RBFOX1: variants seen among roughly 807,000 people sequenced by gnomAD.
RBFOX1 encodes RNA binding fox-1 homolog 1.
Under a neutral mutation model 57.7 loss-of-function variants are expected in RBFOX1, and 8 were observed. The observed-to-expected ratio is 0.14, with a 90% confidence interval of 0.08 to 0.25. The LOEUF (loss-of-function observed/expected upper bound fraction) is 0.25, where lower values mean the gene tolerates loss of function less well. RBFOX1 is among the 10% of genes least tolerant of loss of function. RBFOX1 has a pLI of 1.00. For synonymous variants in RBFOX1, 326 were observed against 222.4 expected, an observed-to-expected ratio of 1.47 and a Z score of -4.15; for missense variants, 611 against 548.5, an observed-to-expected ratio of 1.11 and a Z score of -1.14.
chr16:5,822,374 C>A (rs184296523), intron 3 of RBFOX1, among the ~76,000 whole-genome samples: 1 of 152,100 alleles, frequency 6.6e-6, no homozygotes, highest in Non-Finnish European at 1.5e-5. Context: ...TCACAAATCT[C>A]CACTAAATAA....
intron 2 of RBFOX1, among the ~76,000 whole-genome samples, chr16:6,585,200 C>G (rs530802769): frequency 4.6e-5 from 7 of 152,284 alleles, no homozygotes; most frequent in African/African-American, 1.4e-4. Context: ...TGGTATTTTT[C>G]CAAAACAATT....
intron 4 of RBFOX1, among the ~76,000 whole-genome samples, chr16:7,350,279 A>G (rs900101812): frequency 6.6e-6 from 1 of 152,164 alleles, no homozygotes; most frequent in African/African-American, 2.4e-5. Context: ...TATGGGAAAG[A>G]GGTCTAAGGG....
At chr16:6,161,444 TC>T (rs371427613) in intron 1 of RBFOX1, among the ~76,000 whole-genome samples, 85 of 151,254 alleles carry the variant, frequency 5.6e-4, no homozygotes, top group African/African-American at 2.0e-3. Context: ...TTACTCTCTC[TC>T]CATCCCATTG....
intron 4 of RBFOX1, among the ~76,000 whole-genome samples, chr16:7,123,456 C>T (rs1478318282): frequency 3.3e-5 from 5 of 152,122 alleles, no homozygotes; most frequent in African/African-American, 4.8e-5. Context: ...CCTTGACCTC[C>T]TGGGCTCAGG....
At chr16:5,631,942 C>A (rs187348567) in intron 3 of RBFOX1, among the ~76,000 whole-genome samples, 2 of 152,260 alleles carry the variant, frequency 1.3e-5, no homozygotes, top group African/African-American at 4.8e-5. Flanking sequence ...GAAATGGCAT[C>A]CCCAAGTAGG....
intron 3 of RBFOX1, among the ~76,000 whole-genome samples, chr16:6,977,138 T>C (rs890953467): frequency 7.3e-6 from 1 of 137,358 alleles, no homozygotes; most frequent in Non-Finnish European, 1.5e-5. Flanking sequence ...ATATGATATA[T>C]ATTATATATA....
intron 4 of RBFOX1, among the ~76,000 whole-genome samples, chr16:5,967,414 T>G (rs2059868091): frequency 6.6e-6 from 1 of 152,228 alleles, no homozygotes; most frequent in African/African-American, 2.4e-5. Context: ...TATACATTTC[T>G]TAACCCGGTA....
Position 7,189,811 on chromosome 16 carries a change from C to A in RBFOX1, c.27+137713C>A, listed in dbSNP as rs561145742. Among the ~76,000 whole-genome samples, 6 of 152,330 alleles carry A rather than the reference C, an allele frequency of 3.9e-5. 1 individual carries two copies. In the South Asian group the frequency reaches 1.2e-3, roughly 32 times the overall value. ...TCCAGCAAGTAAGTTTTCTTTCTTT[C>A]CTCCAGCTTTCTGGAAGAATCTGTT... is the stretch of plus-strand genomic sequence containing the variant. On this transcript the variant is annotated intron_variant, in intron 4 of 15. Transcript: ENST00000550418.
At chr16:6,918,682 C>G (rs952469902) in intron 3 of RBFOX1, among the ~76,000 whole-genome samples, 19 of 152,298 alleles carry the variant, frequency 1.2e-4, no homozygotes, top group African/African-American at 4.3e-4. Context: ...GGGCATATCT[C>G]TGGTCGTTTC....
At chr16:6,516,695 G>A (rs1041549562) in intron 2 of RBFOX1, among the ~76,000 whole-genome samples, 4 of 152,102 alleles carry the variant, frequency 2.6e-5, no homozygotes, top group Non-Finnish European at 5.9e-5. Context: ...AATTATTCGT[G>A]GTGCTAGTTG....
chr16:6,120,285 A>C (rs1240233409), intron 1 of RBFOX1, among the ~76,000 whole-genome samples: 3 of 152,226 alleles, frequency 2.0e-5, no homozygotes, highest in Admixed American at 6.5e-5. Context: ...TCTTTTGGGC[A>C]CATACCTAGG....
chr16:7,265,535 G>A (rs2095095389), intron 4 of RBFOX1, among the ~76,000 whole-genome samples: 1 of 151,918 alleles, frequency 6.6e-6, no homozygotes, highest in Non-Finnish European at 1.5e-5. Context: ...TGTAACCTCC[G>A]CCTCCCGTGT....
chr16:5,846,308 G>C (rs2056757022), intron 3 of RBFOX1, among the ~76,000 whole-genome samples: 1 of 152,048 alleles, frequency 6.6e-6, no homozygotes, highest in African/African-American at 2.4e-5. Flanking sequence ...AGGAGGAGAA[G>C]AGGGCACCCC....
chr16:7,120,193 A>C (rs1389333549), intron 4 of RBFOX1, among the ~76,000 whole-genome samples: 1 of 152,126 alleles, frequency 6.6e-6, no homozygotes, highest in Non-Finnish European at 1.5e-5. Flanking sequence ...AGCAGTGCTT[A>C]GAGGGAAATA....
chr16:7,028,149 C>G (rs891266633), intron 3 of RBFOX1, among the ~76,000 whole-genome samples: 2 of 152,196 alleles, frequency 1.3e-5, no homozygotes, highest in Admixed American at 6.5e-5. Context: ...AAGTCAAGGT[C>G]CAATATAATA....
intron 1 of RBFOX1, among the ~76,000 whole-genome samples, chr16:6,301,123 G>T (rs2078771870): frequency 6.6e-6 from 1 of 152,052 alleles, no homozygotes; most frequent in Non-Finnish European, 1.5e-5. Context: ...GGAAACTTTG[G>T]AATGTAGATT....
intron 3 of RBFOX1, among the ~76,000 whole-genome samples, chr16:6,694,722 T>C (rs2060757851): frequency 6.6e-6 from 1 of 152,104 alleles, no homozygotes; most frequent in East Asian, 1.9e-4. Context: ...TCCCAGCAAC[T>C]CCATTGGTAA....
chr16:7,055,687 A>G (rs1026051671), intron 4 of RBFOX1, among the ~76,000 whole-genome samples: 4 of 152,234 alleles, frequency 2.6e-5, no homozygotes, highest in Non-Finnish European at 4.4e-5. Context: ...GCGATTGGCT[A>G]CAGCAGTTAT....
intron 5 of RBFOX1, among the ~76,000 whole-genome samples, chr16:7,576,437 C>G (rs866761411): frequency 6.6e-6 from 1 of 152,146 alleles, no homozygotes; most frequent in South Asian, 2.1e-4. Flanking sequence ...CTTCCTAACA[C>G]TCTTCTTTTT....
Sources: allele counts gnomAD v4.1 joint callset (sites outside exome capture counted in the v4.1 genomes callset), GRCh38; gene constraint gnomAD v4.1.1; transcripts MANE v1.5; gene names NCBI Gene and HGNC (gene_info 2026-07-23, HGNC 2026-07-21).